The following XKR9 variants were observed in gnomAD, a reference collection of about 807,000 sequenced individuals.
The protein encoded by XKR9 is XK related 9, also known as XK-related protein 9.
XKR9 carries 32 observed loss-of-function variants against 32.0 expected under a neutral mutation model. The observed-to-expected ratio is 1.00, with a 90% confidence interval of 0.76 to 1.34. The LOEUF is 1.34. Ranked by LOEUF, XKR9 falls within the 40% of genes most tolerant of loss-of-function variation. The probability of loss-of-function intolerance (pLI) is 0.00; values close to 1 mark genes in which losing one functional copy is unlikely to be tolerated. For synonymous variants in XKR9, 168 were observed against 143.4 expected (o/e 1.17, Z -1.22); for missense variants, 546 against 429.7 (o/e 1.27, Z -2.39).
At chr8:70,875,347 G>A in the XKR9 span, among the ~76,000 whole-genome samples, 2 of 152,148 alleles carry the variant, frequency 1.3e-5, no homozygotes, top group African/African-American at 4.8e-5. Flanking sequence ...ACTTGCCTTG[G>A]TGTGAAGGCA....
chr8:70,917,997 A>G, the XKR9 span, among the ~76,000 whole-genome samples: 2 of 152,194 alleles, frequency 1.3e-5, no homozygotes, highest in South Asian at 4.1e-4. Flanking sequence ...TAATATAAGG[A>G]TAGTATAGAT....
intron 2 of XKR9, among the ~76,000 whole-genome samples, chr8:70,750,087 A>G (rs1031208549): frequency 2.0e-5 from 3 of 152,086 alleles, no homozygotes; most frequent in African/African-American, 7.2e-5. Flanking sequence ...ATTGATAAAT[A>G]TTATTTCTCT....
the XKR9 span, among the ~76,000 whole-genome samples, chr8:71,060,810 A>T: frequency 1.8e-4 from 28 of 152,204 alleles, no homozygotes; most frequent in African/African-American, 6.8e-4. Flanking sequence ...GAATAAACAA[A>T]CTAAATCTTG....
At chr8:70,896,325 T>C in the XKR9 span, among the ~76,000 whole-genome samples, 3 of 152,166 alleles carry the variant, frequency 2.0e-5, no homozygotes, top group African/African-American at 7.2e-5. Flanking sequence ...GCCAATGAAA[T>C]TATCTGGACC....
the XKR9 span, among the ~76,000 whole-genome samples, chr8:70,855,350 A>G: frequency 6.6e-6 from 1 of 152,188 alleles, no homozygotes; most frequent in Non-Finnish European, 1.5e-5. Flanking sequence ...TCAGTAGCCG[A>G]TTCAATCAAC....
At chr8:70,678,617 A>T (rs1465182246) in intron 2 of XKR9, among the ~76,000 whole-genome samples, 2 of 152,194 alleles carry the variant, frequency 1.3e-5, no homozygotes, top group Non-Finnish European at 2.9e-5. Context: ...GAGGTCTTTC[A>T]TGTTAGCATA....
chr8:70,791,631 C>T (rs985342685), downstream of XKR9, among the ~76,000 whole-genome samples: 1 of 151,950 alleles, frequency 6.6e-6, no homozygotes, highest in Non-Finnish European at 1.5e-5. Context: ...CTCTTTTACT[C>T]TCTTTACCCT....
the XKR9 span, among the ~76,000 whole-genome samples, chr8:70,875,203 A>T: frequency 4.3e-4 from 66 of 152,264 alleles, no homozygotes; most frequent in Middle Eastern, 3.4e-3. Flanking sequence ...CCTATATTAC[A>T]TATTTGGATT....
intron 2 of XKR9, among the ~76,000 whole-genome samples, chr8:70,770,102 G>T (rs1021083677): frequency 1.5e-4 from 23 of 152,280 alleles, no homozygotes; most frequent in African/African-American, 5.5e-4. Flanking sequence ...CTTTAATGCA[G>T]AGGACCTTTG....
chr8:71,020,394 G>A, the XKR9 span, among the ~76,000 whole-genome samples: 4 of 152,186 alleles, frequency 2.6e-5, no homozygotes, highest in Admixed American at 6.5e-5. Context: ...TCAAAAGAAG[G>A]ACCACTCTAG....
chr8:70,852,774 C>T, the XKR9 span, among the ~76,000 whole-genome samples: 1 of 152,082 alleles, frequency 6.6e-6, no homozygotes, highest in Non-Finnish European at 1.5e-5. Flanking sequence ...CTCATGTTCT[C>T]ACTCATAAGT....
the XKR9 span, among the ~76,000 whole-genome samples, chr8:70,905,413 G>C: frequency 6.6e-6 from 1 of 151,908 alleles, no homozygotes. Context: ...GATCAAATTG[G>C]CTACTGAATC....
chr8:70,840,540 A>G, the XKR9 span, among the ~76,000 whole-genome samples: 1 of 152,118 alleles, frequency 6.6e-6, no homozygotes, highest in East Asian at 1.9e-4. Context: ...TTGATACTGA[A>G]CATTGAGATT....
At chr8:70,920,684 C>T in the XKR9 span, among the ~76,000 whole-genome samples, 4 of 151,920 alleles carry the variant, frequency 2.6e-5, no homozygotes, top group African/African-American at 4.8e-5. Context: ...ACCCCAGCCC[C>T]TCTTTATATA....
intron 4 of XKR9, among the ~76,000 whole-genome samples, chr8:70,721,022 G>A (rs62530820): frequency 0.073 from 11,065 of 152,156 alleles, 474 homozygotes; most frequent in Non-Finnish European, 0.089. Context: ...TCCCAGTTTC[G>A]TCTTGGGAGG....
the XKR9 span, among the ~76,000 whole-genome samples, chr8:71,020,964 C>A: frequency 6.6e-6 from 1 of 152,132 alleles, no homozygotes; most frequent in South Asian, 2.1e-4. Flanking sequence ...ATTTATCTTA[C>A]AGTTGTTCAG....
chr8:70,701,405 G>A (rs1805530333), intron 3 of XKR9, among the ~76,000 whole-genome samples: 1 of 152,118 alleles, frequency 6.6e-6, no homozygotes, highest in Admixed American at 6.5e-5. Flanking sequence ...ATTCCAATGT[G>A]AGTACCTGGA....
At chr8:70,786,155 GTCT>G (rs1399584610) in intron 2 of XKR9, among the ~76,000 whole-genome samples, 3 of 152,014 alleles carry the variant, frequency 2.0e-5, no homozygotes, top group Admixed American at 2.0e-4. Flanking sequence ...TATAATTTCA[GTCT>G]TCTTAAATAT....
At chr8:70,848,498 A>C in the XKR9 span, among the ~76,000 whole-genome samples, 1 of 152,174 alleles carries the variant, frequency 6.6e-6, no homozygotes, top group East Asian at 1.9e-4. Flanking sequence ...GAAAGAAGTC[A>C]AACTAGCCTT....
Sources: gnomAD v4.1 joint callset for allele counts (sites outside exome capture counted in the v4.1 genomes callset) on GRCh38, gnomAD v4.1.1 for gene constraint, MANE v1.5 for transcripts, NCBI Gene and HGNC (gene_info 2026-07-23, HGNC 2026-07-21) for gene names.